PCNX2: variants seen among roughly 807,000 people sequenced by gnomAD.
The protein encoded by PCNX2 is pecanex-like protein 2.
A neutral mutation model predicts 223.8 loss-of-function variants in PCNX2; 168 were observed. The observed-to-expected ratio is 0.75, with a 90% CI of 0.66 to 0.85. The LOEUF is 0.85. PCNX2 is among the 40% of genes least tolerant of loss of function. The probability of loss-of-function intolerance (pLI) is 0.00; values close to 1 mark genes in which losing one functional copy is unlikely to be tolerated. For synonymous variants in PCNX2, 1,006 were observed against 1,052.6 expected (o/e 0.96, Z 0.86); for missense variants, 2,507 against 2,675.5 (o/e 0.94, Z 1.39).
intron 19 of PCNX2, among the ~76,000 whole-genome samples, chr1:233,145,070 T>C (rs1677361792): frequency 6.6e-6 from 1 of 151,036 alleles, no homozygotes; most frequent in Non-Finnish European, 1.5e-5. Flanking sequence ...GTTCAAGCCA[T>C]TCTCCTGCCT....
intron 28 of PCNX2, among the ~76,000 whole-genome samples, chr1:233,003,107 T>A (rs569796238): frequency 6.6e-6 from 1 of 152,258 alleles, no homozygotes; most frequent in Admixed American, 6.5e-5. Flanking sequence ...AAAGACTTCA[T>A]GACTAAAACA....
intron 15 of PCNX2, among the ~76,000 whole-genome samples, chr1:233,184,918 C>T (rs552678807): frequency 7.2e-5 from 11 of 152,136 alleles, no homozygotes; most frequent in African/African-American, 2.4e-4. Flanking sequence ...CAACCTCACA[C>T]TTCCACACAA....
At chr1:233,224,738 T>C (rs953717320) in intron 10 of PCNX2, among the ~76,000 whole-genome samples, 2 of 152,098 alleles carry the variant, frequency 1.3e-5, no homozygotes, top group African/African-American at 2.4e-5. Context: ...TTTAATTGAC[T>C]CTAAATTATA....
At chr1:232,995,946 C>T (rs1387104766) in intron 32 of PCNX2, among the ~76,000 whole-genome samples, 1 of 152,194 alleles carries the variant, frequency 6.6e-6, no homozygotes, top group Non-Finnish European at 1.5e-5. Flanking sequence ...CTACCTCCGC[C>T]TCCTGGGTTC....
intron 1 of PCNX2, among the ~76,000 whole-genome samples, chr1:233,279,344 A>G (rs1401027756): frequency 6.6e-6 from 1 of 151,590 alleles, no homozygotes; most frequent in Non-Finnish European, 1.5e-5. Flanking sequence ...CCTCCCAAGT[A>G]GCCGGGATTA....
At chr1:233,189,770 T>C (rs1171081970) in intron 15 of PCNX2, among the ~76,000 whole-genome samples, 12 of 152,218 alleles carry the variant, frequency 7.9e-5, no homozygotes, top group African/African-American at 2.9e-4. Flanking sequence ...CCCTTGCCAT[T>C]AATAAAAAAG....
At chr1:233,031,227 G>A (rs1671251252) in intron 25 of PCNX2, among the ~76,000 whole-genome samples, 1 of 152,118 alleles carries the variant, frequency 6.6e-6, no homozygotes, top group Admixed American at 6.5e-5. Context: ...ATTCACTCAT[G>A]GCCAAAAGAA....
At chr1:233,200,358 C>T in intron 13 of PCNX2, 94 bp from the exon 14 acceptor site, 1 of 739,142 alleles carries the variant, frequency 1.4e-6, no homozygotes. Context: ...TCCAAACCAC[C>T]CCACCCAGGA....
intron 25 of PCNX2, among the ~76,000 whole-genome samples, chr1:233,042,670 G>C (rs1671683291): frequency 6.6e-6 from 1 of 152,176 alleles, no homozygotes; most frequent in African/African-American, 2.4e-5. Context: ...TCAAAGCTGG[G>C]AAGAAACTTA....
the PCNX2 span, among the ~76,000 whole-genome samples, chr1:233,309,543 AAATAAT>A: frequency 6.8e-6 from 1 of 146,640 alleles, no homozygotes; most frequent in African/African-American, 2.5e-5. Flanking sequence ...TCCCTCAAAA[AAATAAT>A]AATAATAATA....
intron 26 of PCNX2, among the ~76,000 whole-genome samples, chr1:233,019,656 G>A (rs964720249): frequency 6.6e-6 from 1 of 152,116 alleles, no homozygotes; most frequent in Non-Finnish European, 1.5e-5. Context: ...GACTCAGAGG[G>A]GAGGCAGGCA....
rs148468472 is a variant in PCNX2 at position 233,052,322 on chromosome 1, G to A, written c.4351+1946C>T. Among the ~76,000 whole-genome samples, 539 of 152,274 alleles carry A rather than the reference G, an allele frequency of 3.5e-3. 2 individuals carry two copies. The highest frequency in any genetic ancestry group is 5.0e-3 in the Non-Finnish European group (340 of 68,008). On this transcript the variant is annotated intron_variant, in intron 25 of 33. Transcript: ENST00000258229. The stretch of plus-strand genomic sequence containing the variant: ...TCAATCTGGGAAAACATGACAACTT[G>A]TTTTTGGCTAAAAGATGTCCTTTTG...
At chr1:233,143,813 C>T (rs1476818129) in intron 19 of PCNX2, among the ~76,000 whole-genome samples, 3 of 152,052 alleles carry the variant, frequency 2.0e-5, no homozygotes, top group African/African-American at 7.2e-5. Context: ...TTTCCTAAAC[C>T]AGCCAGATGT....
intron 1 of PCNX2, chr1:233,289,131 C>A: frequency 1.1e-6 from 1 of 888,828 alleles, no homozygotes; most frequent in Non-Finnish European, 1.9e-6. Context: ...ACAGCTTTTC[C>A]AAGTTGGCTT....
chr1:232,984,323 C>T lies in PCNX2; in HGVS notation c.6395G>A (p.Ser2132Asn). 3 of 1,608,912 alleles carry T rather than the reference C, an allele frequency of 1.9e-6. No individual in the cohort carries two copies. The highest frequency in any genetic ancestry group is 2.2e-5 in the East Asian group (1 of 44,638). ...CGCCCGTCACTGCTCGTCTGACACACTTTGCTGCGAGGCCGTGTCGTCCAG... is the reference window on the plus strand; with the variant it reads ...CGCCCGTCACTGCTCGTCTGACACATTTTGCTGCGAGGCCGTGTCGTCCAG... ...MGLDDTASQQ[S>N]VSDEQ The change falls in exon 34 of 34, where the codon AGT becomes AAT. Residue 2132 changes from serine to asparagine, a missense_variant. Physicochemically the swap from Ser to Asn is conservative, Grantham distance 46. This residue lies in a region of PCNX2 where 1,372 missense variants were observed against 1,509.4 expected (regional missense o/e 0.91). Transcript: ENST00000258229.
At chr1:233,293,859 C>G in intron 1 of PCNX2, 3 of 728,782 alleles carry the variant, frequency 4.1e-6, no homozygotes, top group Non-Finnish European at 5.0e-6. Flanking sequence ...AGGATTTCAC[C>G]CTGGTGAGGG....
chr1:233,001,492 A>G lies in PCNX2; in HGVS notation c.5097+45T>C. The stretch of plus-strand genomic sequence containing the variant: ...GAAACTCCATCTCATAAATAAATAA[A>G]TAAATAAATAAATAAATAAATAAAT... On this transcript the variant is annotated intron_variant, in intron 29 of 33. Coordinates refer to ENST00000258229, the MANE Select transcript of PCNX2 (RefSeq NM_014801.4). This position sits in a 1 kb window ranked among gnomAD's most constrained non-coding sequence, Gnocchi z 4.2. 1 of 1,048,306 alleles carries G rather than the reference A, an allele frequency of 9.5e-7. No individual in the cohort carries two copies. The highest frequency in any genetic ancestry group is 1.7e-5 in the African/African-American group (1 of 58,464). 64.9% of individuals were successfully genotyped at this position (1,048,306 alleles called of 1,614,324 possible). A position where few individuals can be genotyped will look rare whatever the true frequency, so the allele number is the denominator to read the frequency against.
At chr1:233,229,628 C>T (rs1657941137) in intron 9 of PCNX2, among the ~76,000 whole-genome samples, 1 of 152,056 alleles carries the variant, frequency 6.6e-6, no homozygotes, top group Non-Finnish European at 1.5e-5. Context: ...AGCATTCCTT[C>T]CAATAGGAGA....
intron 25 of PCNX2, among the ~76,000 whole-genome samples, chr1:233,049,415 A>G (rs1490690254): frequency 6.6e-6 from 1 of 152,230 alleles, no homozygotes; most frequent in Non-Finnish European, 1.5e-5. Flanking sequence ...CATGAAAAAA[A>G]CCTTTCAATA....
Sources: gnomAD v4.1 joint callset for allele counts (sites outside exome capture counted in the v4.1 genomes callset) on GRCh38, gnomAD v4.1.1 for gene constraint, gnomAD v4.1.1 regional missense constraint, Gnocchi (gnomAD v3.1) non-coding constraint, MANE v1.5 for transcripts, NCBI Gene and HGNC (gene_info 2026-07-23, HGNC 2026-07-21) for gene names.